EPHB1: variants seen among roughly 807,000 people sequenced by gnomAD.
EPHB1 encodes EPH receptor B1.
A neutral mutation model predicts 94.4 loss-of-function variants in EPHB1; 30 were observed. That is an observed-to-expected ratio of 0.32 (90% CI 0.24 to 0.43). The LOEUF (loss-of-function observed/expected upper bound fraction) is 0.43. EPHB1 is among the 20% of genes least tolerant of loss of function. The pLI is 1.00. For synonymous variants in EPHB1, 522 were observed against 489.1 expected (o/e 1.07, Z -0.89); for missense variants, 1,055 against 1,308.3 (o/e 0.81, Z 2.99).
At chr3:134,807,648 C>CT (rs1160933205) in intron 1 of EPHB1, among the ~76,000 whole-genome samples, 1 of 151,926 alleles carries the variant, frequency 6.6e-6, no homozygotes, top group Admixed American at 6.6e-5. Context: ...GTTTTCATTC[C>CT]TTAGTTCTGT....
At chr3:135,135,914 G>A (rs147286378) in intron 5 of EPHB1, among the ~76,000 whole-genome samples, 7 of 152,308 alleles carry the variant, frequency 4.6e-5, no homozygotes, top group East Asian at 1.9e-4. Context: ...AACACCTCAT[G>A]TTTGTGTTTC....
At chr3:135,226,936 C>G (rs1293398405) in intron 12 of EPHB1, among the ~76,000 whole-genome samples, 1 of 152,032 alleles carries the variant, frequency 6.6e-6, no homozygotes, top group Non-Finnish European at 1.5e-5. Context: ...CAAATACCAC[C>G]TGTTCTCACT....
rs1240555739 is a variant in EPHB1, at chr3:135,186,218, A to T, written c.1882+6236A>T. The stretch of plus-strand genomic sequence containing the variant: ...AACCATTTTCCCTCACTCTCTGGAT[A>T]TTAGGTATTGTGAATACCGTGGCTG... On this transcript the variant is annotated intron_variant, in intron 10 of 15. Transcript: ENST00000398015. 2.6e-5 allele frequency among the ~76,000 whole-genome samples: 4 copies of T among 152,260 alleles called. No individual in the cohort carries two copies. In the East Asian group the frequency reaches 5.8e-4, roughly 22 times the overall value.
At chr3:134,874,278 A>C (rs2037568524) in intron 1 of EPHB1, among the ~76,000 whole-genome samples, 1 of 152,218 alleles carries the variant, frequency 6.6e-6, no homozygotes, top group Non-Finnish European at 1.5e-5. Flanking sequence ...AGAAAGCCGA[A>C]CACCGCATGT....
In EPHB1 at chr3:134,878,926, C is replaced by A. The variant is rs113698867; in HGVS notation, c.59-46890C>A. Among the ~76,000 whole-genome samples the A allele has an allele frequency of 2.2e-3, 332 of 152,302 alleles. 2 individuals carry two copies. Among genetic ancestry groups the A allele is most frequent in the African/African-American group, 7.7e-3 (320 of 41,554 alleles). ...CTTACTAAAATCTAAAGCCTGCTCT[C>A]TTGTTTTTGGATAATAAGTGTTTGA... On this transcript the variant is annotated intron_variant, in intron 1 of 15. Coordinates refer to ENST00000398015, the MANE Select transcript of EPHB1 (RefSeq NM_004441.5).
At chr3:135,105,788 T>C (rs1939194250) in intron 3 of EPHB1, among the ~76,000 whole-genome samples, 1 of 152,144 alleles carries the variant, frequency 6.6e-6, no homozygotes. Context: ...AGTCATCCTT[T>C]CCTTGCCCCA....
At chr3:134,984,942 TAGAG>T (rs1934543556) in intron 3 of EPHB1, among the ~76,000 whole-genome samples, 1 of 152,008 alleles carries the variant, frequency 6.6e-6, no homozygotes, top group South Asian at 2.1e-4. Context: ...TGGCTGGAGT[TAGAG>T]AGCTTGGTGG....
chr3:134,948,693 C>T (rs2039262767), intron 2 of EPHB1, among the ~76,000 whole-genome samples: 1 of 152,202 alleles, frequency 6.6e-6, no homozygotes, highest in Admixed American at 6.5e-5. Flanking sequence ...ACAGGGATGT[C>T]CATGTGCTGG....
chr3:135,089,536 A>G (rs1304468156), intron 3 of EPHB1, among the ~76,000 whole-genome samples: 5 of 152,244 alleles, frequency 3.3e-5, no homozygotes, highest in Non-Finnish European at 7.3e-5. Flanking sequence ...GTGAAGTGAG[A>G]CACATCAGGT....
intron 15 of EPHB1, among the ~76,000 whole-genome samples, chr3:135,257,613 C>G (rs957712930): frequency 3.3e-5 from 5 of 151,568 alleles, no homozygotes; most frequent in Non-Finnish European, 7.4e-5. Context: ...AACCACTGCT[C>G]TCTTCAAAGC....
rs1560280659 is a variant in EPHB1, at chr3:134,882,796, T to TTCTTTCTTTCTTTCTTTCTC, written c.59-43001_59-43000insCTCTTTCTTTCTTTCTTTCT. ...TTTCTTTCTTTCTTTCTTTCTTTCT[T>TTCTTTCTTTCTTTCTTTCTC]TCTTTCTTTCTTTCTTTCTTTCTTT... On this transcript the variant is annotated intron_variant, in intron 1 of 15. Coordinates refer to ENST00000398015, the MANE Select transcript of EPHB1 (RefSeq NM_004441.5). Among the ~76,000 whole-genome samples, 9 of 75,522 alleles carry TTCTTTCTTTCTTTCTTTCTC rather than the reference T, an allele frequency of 1.2e-4. No individual in the cohort carries two copies. The South Asian group carries it at 2.6e-3, about 21-fold the overall frequency. The allele number at this position is 75,522 out of a possible 152,430, so 49.5% of individuals were successfully genotyped here.
intron 3 of EPHB1, among the ~76,000 whole-genome samples, chr3:135,005,426 G>A (rs1466432054): frequency 6.6e-6 from 1 of 152,232 alleles, no homozygotes; most frequent in Non-Finnish European, 1.5e-5. Context: ...TCTGTGCCCT[G>A]CCCCCAGAGG....
At chr3:134,928,983 A>G (rs938819248) in intron 2 of EPHB1, among the ~76,000 whole-genome samples, 3 of 152,120 alleles carry the variant, frequency 2.0e-5, no homozygotes, top group African/African-American at 7.2e-5. Context: ...CCTATGGTTA[A>G]GTATACAGAT....
chr3:135,217,296 C>T (rs1446571634), intron 12 of EPHB1, among the ~76,000 whole-genome samples: 1 of 152,084 alleles, frequency 6.6e-6, no homozygotes, highest in African/African-American at 2.4e-5. Flanking sequence ...TGCCGCTCCA[C>T]CAGGGACCAG....
At chr3:134,948,952 G>A (rs1932903673) in intron 2 of EPHB1, among the ~76,000 whole-genome samples, 1 of 152,266 alleles carries the variant, frequency 6.6e-6, no homozygotes, top group Admixed American at 6.5e-5. Flanking sequence ...TAGGTAGAAA[G>A]CACAGCATAA....
At chr3:134,822,215 T>C (rs2036395273) in intron 1 of EPHB1, among the ~76,000 whole-genome samples, 1 of 152,176 alleles carries the variant, frequency 6.6e-6, no homozygotes, top group African/African-American at 2.4e-5. Context: ...CCTGGGGTCC[T>C]ATCTGCCATG....
chr3:134,801,536 T>C, intron 1 of EPHB1, among the ~76,000 whole-genome samples: 1 of 152,212 alleles, frequency 6.6e-6, no homozygotes. Flanking sequence ...TTCCCTCTTA[T>C]GCACTAGCCA....
intron 2 of EPHB1, among the ~76,000 whole-genome samples, chr3:134,929,496 G>A (rs1168707216): frequency 6.6e-6 from 1 of 152,222 alleles, no homozygotes; most frequent in East Asian, 1.9e-4. Context: ...TGGAAGAGCT[G>A]TGGCATTGGG....
intron 3 of EPHB1, among the ~76,000 whole-genome samples, chr3:135,052,579 T>A (rs1041408798): frequency 2.6e-5 from 4 of 151,816 alleles, no homozygotes; most frequent in African/African-American, 9.7e-5. Flanking sequence ...AAAATATAAA[T>A]GGCCAAGCGC....
Sources: gnomAD v4.1 joint callset for allele counts (sites outside exome capture counted in the v4.1 genomes callset) on GRCh38, gnomAD v4.1.1 for gene constraint, MANE v1.5 for transcripts, NCBI Gene and HGNC (gene_info 2026-07-23, HGNC 2026-07-21) for gene names.